PCYT1B: variants seen among roughly 807,000 people sequenced by gnomAD.
PCYT1B encodes choline-phosphate cytidylyltransferase B.
Under a neutral mutation model 26.4 loss-of-function variants are expected in PCYT1B, and 10 were observed. That is an observed-to-expected ratio of 0.38 (90% confidence interval 0.23 to 0.64). PCYT1B has a LOEUF of 0.64. Among genes scored for constraint, PCYT1B ranks in the 30% least tolerant of loss-of-function variants. The pLI is 0.56. For synonymous variants in PCYT1B, 131 were observed against 108.4 expected (o/e 1.21, Z -1.29); for missense variants, 161 against 292.7 (o/e 0.55, Z 3.28).
rs1179199395 is a variant in PCYT1B, at chrX:24,647,030, T to G, written c.76A>C (p.Thr26Pro). 8.3e-7 allele frequency: 1 copy of G among 1,209,224 alleles called. No individual in the cohort carries two copies. Among genetic ancestry groups the G allele is most frequent in the Admixed American group, 2.2e-5 (1 of 45,710 alleles). Residue 26 changes from threonine (T) to proline (P), a missense_variant, in exon 1 of 8, where the codon ACC becomes CCC. By Grantham distance (38) the Thr-to-Pro change is conservative (BLOSUM62 -1). Coordinates refer to ENST00000379144, the MANE Select transcript of PCYT1B (RefSeq NM_004845.5). ...KSLSNEPPSE[T>P]MEEIEHTCPQ... Reference sequence around the variant, plus strand: ...CATGTGTGCTCTATTTCCTCCATGGTTTCTGAGGGAGGCTCATTGGAAAGG... The same window carrying G: ...CATGTGTGCTCTATTTCCTCCATGGGTTCTGAGGGAGGCTCATTGGAAAGG...
At chrX:24,565,433 G>C (rs1171233549) in intron 7 of PCYT1B, among the ~76,000 whole-genome samples, 1 of 111,222 alleles carries the variant, frequency 9.0e-6, no homozygotes, top group South Asian at 3.8e-4. Context: ...TCTCAGCTGG[G>C]TCTTTGATAA....
rs941231508 is a variant in PCYT1B at position 24,559,100 on chromosome X, TGAG to T, written c.*3190_*3192del. The T allele has an allele frequency of 9.0e-6, 1 of 111,061 alleles. No homozygotes were observed. Among genetic ancestry groups the T allele is most frequent in the Admixed American group, 9.6e-5 (1 of 10,447 alleles). 9.2% of individuals were successfully genotyped at this position (111,061 alleles called of 1,213,427 possible). On this transcript the variant is annotated 3_prime_UTR_variant, in exon 8 of 8. Coordinates refer to ENST00000379144, the MANE Select transcript of PCYT1B (RefSeq NM_004845.5). ...GGGAGGCCGAGGCGGGAGAATCACCTGAGGTCAGGAATTTGAGACCAGCCTGGC... is the reference window on the plus strand; with the variant it reads ...GGGAGGCCGAGGCGGGAGAATCACCTGTCAGGAATTTGAGACCAGCCTGGC...
At chrX:24,574,549 T>C (rs1175177940) in intron 7 of PCYT1B, among the ~76,000 whole-genome samples, 1 of 111,547 alleles carries the variant, frequency 9.0e-6, no homozygotes, top group Non-Finnish European at 1.9e-5. Context: ...TTGCGTGTCA[T>C]GAAAAACCAG....
At chrX:24,638,303 C>T (rs1203739590) in intron 1 of PCYT1B, among the ~76,000 whole-genome samples, 1 of 111,678 alleles carries the variant, frequency 9.0e-6, no homozygotes, top group African/African-American at 3.3e-5. Context: ...TACCAGGGCT[C>T]ACTGCTTTAT....
At position 24,607,737 on chromosome X, in the gene PCYT1B, C is replaced by T. The variant is rs1925182878; in HGVS notation, c.334+8G>A. ...GTTTTCTAGACAAAAAGAAAATGCA[C>T]TTCTTACCTCCTACCAACAAGTAGC... On this transcript the variant is annotated splice_region_variant and intron_variant, in intron 3 of 7. Coordinates refer to ENST00000379144, the MANE Select transcript of PCYT1B (RefSeq NM_004845.5). 3 of 1,043,009 alleles carry T rather than the reference C, an allele frequency of 2.9e-6. No individual in the cohort carries two copies. The highest frequency in any genetic ancestry group is 4.0e-6 in the Non-Finnish European group (3 of 748,605). 86.0% of individuals were successfully genotyped at this position (1,043,009 alleles called of 1,213,427 possible).
At chrX:24,610,311 TAAAA>T (rs978204336) in intron 2 of PCYT1B, among the ~76,000 whole-genome samples, 4 of 111,532 alleles carry the variant, frequency 3.6e-5, no homozygotes, top group African/African-American at 1.3e-4. Flanking sequence ...ATTTCTCTAA[TAAAA>T]AAAGTTGAGA....
chrX:24,570,506 G>A (rs1446226042), intron 7 of PCYT1B, among the ~76,000 whole-genome samples: 2 of 110,001 alleles, frequency 1.8e-5, no homozygotes, highest in Admixed American at 9.7e-5. Context: ...CACCTGCTTC[G>A]GCCTCCCAAA....
chrX:24,584,760 G>A (rs1298183882), intron 5 of PCYT1B, among the ~76,000 whole-genome samples: 1 of 111,909 alleles, frequency 8.9e-6, no homozygotes, highest in Non-Finnish European at 1.9e-5. Flanking sequence ...CTGTTCCCAT[G>A]GACACTGAGA....
intron 3 of PCYT1B, among the ~76,000 whole-genome samples, chrX:24,593,441 C>CTTTCTTTCTTTTCTTTTCTTTTCT: frequency 1.8e-5 from 1 of 56,760 alleles, no homozygotes; most frequent in East Asian, 5.0e-4. Flanking sequence ...TCCTTTCTTT[C>CTTTCTTTCTTTTCTTTTCTTTTCT]TTTCTTTTCT....
chrX:24,609,563 G>C (rs1925243857), intron 2 of PCYT1B, among the ~76,000 whole-genome samples: 1 of 112,281 alleles, frequency 8.9e-6, no homozygotes, highest in Non-Finnish European at 1.9e-5. Flanking sequence ...ATTACTAAGA[G>C]TTAAAAGTTA....
At chrX:24,653,345 T>C (rs1190971203) in intron 1 of PCYT1B, among the ~76,000 whole-genome samples, 1 of 111,356 alleles carries the variant, frequency 9.0e-6, no homozygotes, top group Non-Finnish European at 1.9e-5. Flanking sequence ...TCTCTCTGCC[T>C]GAGGGCTTTA....
At chrX:24,604,310 C>T (rs1202524348) in intron 3 of PCYT1B, among the ~76,000 whole-genome samples, 1 of 110,003 alleles carries the variant, frequency 9.1e-6, no homozygotes, top group African/African-American at 3.3e-5. Flanking sequence ...AGGCTGGTCT[C>T]GAACTCCTGA....
At chrX:24,588,599 T>C (rs781680872) in intron 4 of PCYT1B, among the ~76,000 whole-genome samples, 1 of 111,901 alleles carries the variant, frequency 8.9e-6, no homozygotes, top group Non-Finnish European at 1.9e-5. Context: ...TTGCTGGCTA[T>C]ATAACTCATA....
chrX:24,617,361 T>C (rs1925533534), intron 2 of PCYT1B, among the ~76,000 whole-genome samples: 2 of 73,503 alleles, frequency 2.7e-5, no homozygotes, highest in South Asian at 1.3e-3. Context: ...CTCTTAAGTT[T>C]GGTTTGTTTG....
chrX:24,584,631 G>C (rs781600754), intron 5 of PCYT1B, among the ~76,000 whole-genome samples: 5 of 112,421 alleles, frequency 4.4e-5, no homozygotes, highest in African/African-American at 1.6e-4. Flanking sequence ...TGGCCCACAA[G>C]GAGTGTGAAC....
chrX:24,571,593 T>C (rs1923829636), intron 7 of PCYT1B, among the ~76,000 whole-genome samples: 1 of 110,110 alleles, frequency 9.1e-6, no homozygotes, highest in Non-Finnish European at 1.9e-5. Context: ...TAATGTCAAA[T>C]ATGAGGTCAC....
chrX:24,648,098 G>C (rs756373131), upstream of PCYT1B, among the ~76,000 whole-genome samples: 17 of 111,640 alleles, frequency 1.5e-4, no homozygotes, highest in South Asian at 6.4e-3. Context: ...TCCCATTTCC[G>C]AAGTACCCTG....
chrX:24,636,736 G>A (rs772713544), intron 1 of PCYT1B, among the ~76,000 whole-genome samples: 4 of 112,366 alleles, frequency 3.6e-5, no homozygotes, highest in African/African-American at 6.5e-5. Context: ...CCACTACACC[G>A]ATTTCTAACA....
At chrX:24,648,449 A>ATTTTTTTTTTTTTTTTTT (rs57744798), upstream of PCYT1B, among the ~76,000 whole-genome samples, 4 of 39,717 alleles carry the variant, frequency 1.0e-4, 2 homozygotes, top group African/African-American at 5.6e-4. Flanking sequence ...ATTTGAAGGA[A>ATTTTTTTTTTTTTTTTTT]TTTTTTTTTT....
Sources: gnomAD v4.1 joint callset for allele counts (sites outside exome capture counted in the v4.1 genomes callset) on GRCh38, gnomAD v4.1.1 for gene constraint, MANE v1.5 for transcripts, NCBI Gene and HGNC (gene_info 2026-07-23, HGNC 2026-07-21) for gene names.